COL7A1: variants seen among roughly 807,000 people sequenced by gnomAD.
The protein encoded by COL7A1 is collagen type VII alpha 1 chain, also known as collagen alpha-1(VII) chain.
COL7A1 carries 296 observed loss-of-function variants against 456.2 expected under a neutral mutation model. That is an observed-to-expected ratio of 0.65 (90% CI 0.59 to 0.71). The LOEUF (loss-of-function observed/expected upper bound fraction) is 0.71, where lower values mean the gene tolerates loss of function less well. Ranked by LOEUF, COL7A1 falls within the 30% of genes least tolerant of loss-of-function variation. The pLI is 0.00. For synonymous variants in COL7A1, 1,464 were observed against 1,525.9 expected (o/e 0.96, Z 0.95); for missense variants, 3,441 against 4,017.2 (o/e 0.86, Z 3.88).
Position 48,587,879 on chromosome 3 carries a change from A to C in COL7A1, c.2771T>G (p.Leu924Arg). The C allele has an allele frequency of 6.2e-7, 1 of 1,612,024 alleles. No homozygotes were observed. The highest frequency in any genetic ancestry group is 8.5e-7 in the Non-Finnish European group (1 of 1,179,434). Reference sequence around the variant, plus strand: ...CACGCGGTACTGTGTCGCTGGCTCCAGCCCGTCCAGGTGATAGCTGCTGAG... The same window carrying C: ...CACGCGGTACTGTGTCGCTGGCTCCCGCCCGTCCAGGTGATAGCTGCTGAG... ...PELSSYHLDG[L>R]EPATQYRVRL... The change falls in exon 22 of 119, where the codon CTG (leucine) becomes CGG (arginine). Residue 924 changes from leucine to arginine, a missense_variant. Transcript: ENST00000681320. This position sits in a 1 kb window ranked among gnomAD's most constrained non-coding sequence, Gnocchi z 6.1.
chr3:48,583,268 C>T lies in COL7A1; in HGVS notation c.4438-97G>A, dbSNP rs1314798866. The T allele has an allele frequency of 6.2e-7, 1 of 1,602,084 alleles. No individual in the cohort carries two copies. The highest frequency in any genetic ancestry group is 1.3e-5 in the African/African-American group (1 of 74,414). ...ACAAGGGGTCCCAAACTCCAACCAC[C>T]CCCTCCAAAACCACGACCTCTGACC... On this transcript the variant is annotated intron_variant, in intron 42 of 118. Coordinates refer to ENST00000681320, the MANE Select transcript of COL7A1 (RefSeq NM_000094.4). This position sits in a 1 kb window ranked among gnomAD's most constrained non-coding sequence, Gnocchi z 5.1.
rs1215850652 is a variant in COL7A1 at position 48,587,386 on chromosome 3, T to G, written c.2992+34A>C. ...AAAGCTGTCTCCACAGAGCCCCAAC[T>G]GCCAGCCCACCCAAATCCTGGCCTC... On this transcript the variant is annotated intron_variant, in intron 23 of 118. Transcript: ENST00000681320. This position sits in a 1 kb window ranked among gnomAD's most constrained non-coding sequence, Gnocchi z 6.1. 1.2e-6 allele frequency: 2 copies of G among 1,612,956 alleles called. No individual in the cohort carries two copies. Among genetic ancestry groups the G allele is most frequent in the Middle Eastern group, 3.3e-4 (2 of 6,062 alleles).
chr3:48,574,954 G>A lies in COL7A1; in HGVS notation c.6280-89C>T. The A allele has an allele frequency of 6.3e-7, 1 of 1,583,444 alleles. No individual in the cohort carries two copies. Among genetic ancestry groups the A allele is most frequent in the Non-Finnish European group, 8.7e-7 (1 of 1,155,038 alleles). ...GATCTCAGGATCACAGAGGGTTATA[G>A]GGTCAGAAATTCCAGGGTTATGGCA... On this transcript the variant is annotated intron_variant, in intron 76 of 118. Coordinates refer to ENST00000681320, the MANE Select transcript of COL7A1 (RefSeq NM_000094.4). The surrounding 1 kb of genome is among the most constrained non-coding windows in gnomAD (Gnocchi z 5.0).
chr3:48,582,368 G>C lies in COL7A1; in HGVS notation c.4600-10C>G, dbSNP rs1011387386. The C allele has an allele frequency of 6.2e-7, 1 of 1,614,072 alleles. No homozygotes were observed. Among genetic ancestry groups the C allele is most frequent in the Non-Finnish European group, 8.5e-7 (1 of 1,179,990 alleles). ...GGCGACCAGGCTCCCCCTGTGGAGA[G>C]AGGATAGGAGCAGGGACAGGTCAGG... On this transcript the variant is annotated splice_polypyrimidine_tract_variant and intron_variant, in intron 46 of 118. Transcript: ENST00000681320.
Position 48,591,764 on chromosome 3 carries a change from A to G in COL7A1, c.1416T>C (p.Asp472=). 6.2e-7 allele frequency: 1 copy of G among 1,614,146 alleles called. No individual in the cohort carries two copies. The highest frequency in any genetic ancestry group is 1.1e-5 in the South Asian group (1 of 91,080). ...GGTACTCAGTGCCCGGCTGCAGCCC[A>G]TCCAACTGGTAGCGGGTCACATCAG... ...LPSDVTRYQL[D]GLQPGTEYRL... The change falls in exon 12 of 119, where the codon GAT becomes GAC. Residue 472 remains aspartate, a synonymous_variant. Coordinates refer to ENST00000681320, the MANE Select transcript of COL7A1 (RefSeq NM_000094.4). This position sits in a 1 kb window ranked among gnomAD's most constrained non-coding sequence, Gnocchi z 7.0.
At position 48,579,945 on chromosome 3, in the gene COL7A1, T is replaced by C; in HGVS notation, c.5124+86A>G. The C allele has an allele frequency of 3.7e-6, 6 of 1,605,546 alleles. No individual in the cohort carries two copies. Among genetic ancestry groups the C allele is most frequent in the Non-Finnish European group, 5.1e-6 (6 of 1,172,538 alleles). ...GAGGGACAGTGGGGGAAGTGGGAGTTAGTGGAAGGAATGAGGGGACATGAT... is the reference window on the plus strand; with the variant it reads ...GAGGGACAGTGGGGGAAGTGGGAGTCAGTGGAAGGAATGAGGGGACATGAT... On this transcript the variant is annotated intron_variant, in intron 57 of 118. Coordinates refer to ENST00000681320, the MANE Select transcript of COL7A1 (RefSeq NM_000094.4). This position sits in a 1 kb window ranked among gnomAD's most constrained non-coding sequence, Gnocchi z 4.4.
chr3:48,571,405 C>A lies in COL7A1; in HGVS notation c.7069-127G>T. The A allele has an allele frequency of 8.2e-7, 1 of 1,214,418 alleles. No homozygotes were observed. Among genetic ancestry groups the A allele is most frequent in the Non-Finnish European group, 1.2e-6 (1 of 834,842 alleles). 75.2% of individuals were successfully genotyped at this position (1,214,418 alleles called of 1,614,324 possible). On this transcript the variant is annotated intron_variant, in intron 92 of 118. Transcript: ENST00000681320. This position sits in a 1 kb window ranked among gnomAD's most constrained non-coding sequence, Gnocchi z 4.6. ...AACACATGGGAACTCAGACATGCGA[C>A]CAAGAATTGGCTCACAGGAGCTCAG...
In COL7A1 at chr3:48,588,617, G is replaced by T. The variant is rs762488813; in HGVS notation, c.2587+25C>A. 6.2e-7 allele frequency: 1 copy of T among 1,613,768 alleles called. No homozygotes were observed. The highest frequency in any genetic ancestry group is 2.2e-5 in the East Asian group (1 of 44,892). ...AAACCATCCACACCACCCATCCGAA[G>T]CTCTCCAGCGCATGCTCTGCCTACG... On this transcript the variant is annotated intron_variant, in intron 20 of 118. Transcript: ENST00000681320. This position sits in a 1 kb window ranked among gnomAD's most constrained non-coding sequence, Gnocchi z 4.6.
Position 48,570,322 on chromosome 3 carries a change from C to T in COL7A1, c.7393G>A (p.Val2465Ile), listed in dbSNP as rs2043827273. Residue 2465 changes from valine (V) to isoleucine (I), a missense_variant, in exon 98 of 119, where the codon GTA (valine) becomes ATA (isoleucine). Transcript: ENST00000681320. The surrounding 1 kb of genome is among the most constrained non-coding windows in gnomAD (Gnocchi z 5.5). ...GLKGDKGDPGVGLPGPRGERG... is the reference protein window; with the variant it reads ...GLKGDKGDPGIGLPGPRGERG... ...TCGCCTCGGGGCCCAGGCAGCCCTA[C>T]TCCAGGGTCTCCCTGGAGACCAACA... The T allele has an allele frequency of 6.2e-7, 1 of 1,613,954 alleles. No individual in the cohort carries two copies. Among genetic ancestry groups the T allele is most frequent in the Non-Finnish European group, 8.5e-7 (1 of 1,179,984 alleles).
At chr3:48,584,204 A>G in intron 37 of COL7A1, 94 bp downstream of exon 37, 1 of 1,543,894 alleles carries the variant, frequency 6.5e-7, no homozygotes, top group East Asian at 2.4e-5. Flanking sequence ...GGGTAATCAA[A>G]GGGTCACAAG....
At position 48,570,177 on chromosome 3, in the gene COL7A1, C is replaced by T. The variant is rs886039328; in HGVS notation, c.7442G>A (p.Gly2481Asp). 2 of 1,614,180 alleles carry T rather than the reference C, an allele frequency of 1.2e-6. No individual in the cohort carries two copies. The highest frequency in any genetic ancestry group is 1.6e-4 in the Middle Eastern group (1 of 6,062). ...CTCCTGGCCGGGGCGGCCATCTTCA[C>T]CCTGGATGGTGACATTAGGTTCATT... ...RGERGEPGIR[G>D]EDGRPGQEGP... is the part of the protein sequence containing the mutation. The change falls in exon 99 of 119, where the codon GGT (glycine) becomes GAT (aspartate). Residue 2481 changes from glycine to aspartate, a missense_variant and splice_region_variant. Gly to Asp is a moderately conservative substitution (Grantham distance 94). Coordinates refer to ENST00000681320, the MANE Select transcript of COL7A1 (RefSeq NM_000094.4). This position sits in a 1 kb window ranked among gnomAD's most constrained non-coding sequence, Gnocchi z 5.5.
In COL7A1 at chr3:48,591,545, G is replaced by A; in HGVS notation, c.1555C>T (p.Leu519=). The change falls in exon 13 of 119, where the codon CTG becomes TTG. Residue 519 remains leucine, a synonymous_variant. Transcript: ENST00000681320. The surrounding 1 kb of genome is among the most constrained non-coding windows in gnomAD (Gnocchi z 7.0). Reference sequence around the variant, plus strand: ...GACACTCGCACCCGCTGCCCGGGCAGCTCGGTGGCTTGCAGGTCTGTTACA... The same window carrying A: ...GACACTCGCACCCGCTGCCCGGGCAACTCGGTGGCTTGCAGGTCTGTTACA... The part of the protein sequence containing the change: ...SPVTDLQATE[L]PGQRVRVSWS... 1 of 1,613,876 alleles carries A rather than the reference G, an allele frequency of 6.2e-7. No individual in the cohort carries two copies. The highest frequency in any genetic ancestry group is 8.5e-7 in the Non-Finnish European group (1 of 1,179,996).
rs2045404588 is a variant in COL7A1, at chr3:48,587,996, C to T, written c.2711-57G>A. On this transcript the variant is annotated intron_variant, in intron 21 of 118. Transcript: ENST00000681320. This position sits in a 1 kb window ranked among gnomAD's most constrained non-coding sequence, Gnocchi z 6.1. ...CATGTGGGATAGTGACACCTGGGGGCATTAAAGGGCCTGCCCACTTCACTG... is the reference window on the plus strand; with the variant it reads ...CATGTGGGATAGTGACACCTGGGGGTATTAAAGGGCCTGCCCACTTCACTG... 3 of 1,531,358 alleles carry T rather than the reference C, an allele frequency of 2.0e-6. No individual in the cohort carries two copies. Among genetic ancestry groups the T allele is most frequent in the South Asian group, 1.2e-5 (1 of 83,906 alleles). 94.9% of individuals were successfully genotyped at this position (1,531,358 alleles called of 1,614,324 possible).
Position 48,594,141 on chromosome 3 carries a change from G to A in COL7A1, c.266+227C>T, listed in dbSNP as rs183546756. ...TCAGAAAACACAGCCTCACTGTCTT[G>A]CACCTTCCTGTCTTGCAGTAGCCTG... On this transcript the variant is annotated intron_variant, in intron 3 of 118. Transcript: ENST00000681320. The surrounding 1 kb of genome is among the most constrained non-coding windows in gnomAD (Gnocchi z 5.5). Among the ~76,000 whole-genome samples the A allele has an allele frequency of 5.3e-4, 81 of 152,348 alleles. No homozygotes were observed. The highest frequency in any genetic ancestry group is 6.6e-4 in the Non-Finnish European group (45 of 68,028).
At position 48,575,827 on chromosome 3, in the gene COL7A1, G is replaced by C. The variant is rs781282319; in HGVS notation, c.5856+40C>G. 1 of 1,614,036 alleles carries C rather than the reference G, an allele frequency of 6.2e-7. No individual in the cohort carries two copies. The highest frequency in any genetic ancestry group is 8.5e-7 in the Non-Finnish European group (1 of 1,179,994). ...CCTGTGGGCACCACTAGCCCCAAGGGCCCCCACTTGTCCCTACCCCCAGCC... is the reference window on the plus strand; with the variant it reads ...CCTGTGGGCACCACTAGCCCCAAGGCCCCCCACTTGTCCCTACCCCCAGCC... On this transcript the variant is annotated intron_variant, in intron 72 of 118. Transcript: ENST00000681320. This position sits in a 1 kb window ranked among gnomAD's most constrained non-coding sequence, Gnocchi z 6.3.
Position 48,564,248 on chromosome 3 carries a change from G to A in COL7A1, c.*158C>T. 3 of 875,602 alleles carry A rather than the reference G, an allele frequency of 3.4e-6. No homozygotes were observed. Among genetic ancestry groups the A allele is most frequent in the Non-Finnish European group, 5.6e-6 (3 of 539,212 alleles). The allele number at this position is 875,602 out of a possible 1,614,324, so 54.2% of individuals were successfully genotyped here. A position where few individuals can be genotyped will look rare whatever the true frequency, so the allele number is the denominator to read the frequency against. On this transcript the variant is annotated 3_prime_UTR_variant, in exon 119 of 119. Coordinates refer to ENST00000681320, the MANE Select transcript of COL7A1 (RefSeq NM_000094.4). The surrounding 1 kb of genome is among the most constrained non-coding windows in gnomAD (Gnocchi z 6.0). The stretch of plus-strand genomic sequence containing the variant: ...ACAATGGGGGTTTGTCCACAGGGGG[G>A]AAGGCTAGACCCACGGGACCAAGTC...
rs368007918 is a variant in COL7A1 at position 48,591,527 on chromosome 3, G to A, written c.1573C>T (p.Arg525Ter). 32 of 1,613,938 alleles carry A rather than the reference G, an allele frequency of 2.0e-5. No individual in the cohort carries two copies. The highest frequency in any genetic ancestry group is 2.5e-5 in the Non-Finnish European group (30 of 1,180,000). Residue 525 changes from arginine (R) to a stop codon, truncating the protein, a stop_gained, in exon 13 of 119, where the codon CGA becomes TGA. Coordinates refer to ENST00000681320, the MANE Select transcript of COL7A1 (RefSeq NM_000094.4). LOFTEE classifies it high-confidence loss of function. The surrounding 1 kb of genome is among the most constrained non-coding windows in gnomAD (Gnocchi z 7.0). Reference protein sequence around the residue: ...QATELPGQRVRVSWSPVPGAT... With the variant: ...QATELPGQRV ...CCAGGGACTGGGCTCCAGGACACTC[G>A]CACCCGCTGCCCGGGCAGCTCGGTG...
chr3:48,581,914 T>C lies in COL7A1; in HGVS notation c.4665A>G (p.Glu1555=), dbSNP rs1443190334. ...CCTTGCCCCATACCAGGCTTACCTT[T>C]TCTCCTTTGGGTCCAGCAACAGCAG... ...VGPAVAGPKG[E]KGDVGPAGPR... The change falls in exon 48 of 119, where the codon GAA becomes GAG. Residue 1555 remains glutamate (E), a synonymous_variant. Transcript: ENST00000681320. The surrounding 1 kb of genome is among the most constrained non-coding windows in gnomAD (Gnocchi z 5.8). 10 of 1,613,900 alleles carry C rather than the reference T, an allele frequency of 6.2e-6. No individual in the cohort carries two copies. Among genetic ancestry groups the C allele is most frequent in the Middle Eastern group, 1.6e-4 (1 of 6,084 alleles).
rs372604034 is a variant in COL7A1, at chr3:48,588,391, C to T, written c.2601G>A (p.Pro867=). Residue 867 remains proline (P), a synonymous_variant, in exon 21 of 119, where the codon CCG becomes CCA. Transcript: ENST00000681320. The surrounding 1 kb of genome is among the most constrained non-coding windows in gnomAD (Gnocchi z 4.6). ...CCACGTGAAGCGTCCCCAGGGCTGG[C>T]GGAGCCTCAGGCGCTGGAGAGAAAG... ...SIVVTTPPEA[P]PALGTLHVVQ... is the part of the protein sequence containing the mutation. The T allele has an allele frequency of 1.1e-5, 17 of 1,610,404 alleles. No homozygotes were observed. Among genetic ancestry groups the T allele is most frequent in the East Asian group, 2.2e-5 (1 of 44,856 alleles).
Sources: gnomAD v4.1 joint callset for allele counts (sites outside exome capture counted in the v4.1 genomes callset) on GRCh38, gnomAD v4.1.1 for gene constraint, Gnocchi (gnomAD v3.1) non-coding constraint, MANE v1.5 for transcripts, NCBI Gene and HGNC (gene_info 2026-07-23, HGNC 2026-07-21) for gene names.